LARGE1: variants seen among roughly 807,000 people sequenced by gnomAD.
LARGE1 encodes xylosyl- and glucuronyltransferase LARGE1.
A neutral mutation model predicts 87.6 loss-of-function variants in LARGE1; 43 were observed. That is an observed-to-expected ratio of 0.49 (90% confidence interval 0.38 to 0.63). The LOEUF (loss-of-function observed/expected upper bound fraction) is 0.63. Ranked by LOEUF, LARGE1 falls within the 30% of genes least tolerant of loss-of-function variation. The pLI, the probability that LARGE1 is intolerant of heterozygous loss-of-function variation, is 0.00. For missense variants in LARGE1, 802 were observed against 1,000.2 expected, an observed-to-expected ratio of 0.80 and a Z score of 2.67; for synonymous variants, 434 against 394.6, an observed-to-expected ratio of 1.10 and a Z score of -1.18.
At chr22:33,677,433 T>A (rs2081616805) in intron 2 of LARGE1, among the ~76,000 whole-genome samples, 1 of 151,948 alleles carries the variant, frequency 6.6e-6, no homozygotes, top group South Asian at 2.1e-4. Context: ...CCACTGGAAA[T>A]TACGACAGTT....
chr22:33,118,767 C>T, the LARGE1 span, among the ~76,000 whole-genome samples: 1 of 152,268 alleles, frequency 6.6e-6, no homozygotes, highest in African/African-American at 2.4e-5. Context: ...TCAATACCAC[C>T]TGATAATGAC....
At chr22:33,382,531 G>T (rs2065192887) in intron 8 of LARGE1, among the ~76,000 whole-genome samples, 1 of 152,144 alleles carries the variant, frequency 6.6e-6, no homozygotes, top group Non-Finnish European at 1.5e-5. Context: ...TGGACTCAGT[G>T]ATGGATGCTC....
chr22:33,283,855 A>T (rs1335705685), intron 12 of LARGE1, among the ~76,000 whole-genome samples: 1 of 152,040 alleles, frequency 6.6e-6, no homozygotes, highest in Middle Eastern at 3.4e-3. Flanking sequence ...AGAAAGAAAA[A>T]GTAAAGAAAG....
rs117098501 is a variant in LARGE1, at chr22:33,280,511, A to T, written c.1877+2691T>A. ...AAAGGAAGGGAAAACAATGGGGGAG[A>T]CGGCGCCATTGCACTCCATTGTAGG... On this transcript the variant is annotated intron_variant, in intron 13 of 14. Coordinates refer to ENST00000397394, the MANE Select transcript of LARGE1 (RefSeq NM_133642.5). Among the ~76,000 whole-genome samples, 113 of 152,154 alleles carry T rather than the reference A, an allele frequency of 7.4e-4. 1 individual carries two copies. Among genetic ancestry groups the T allele is most frequent in the Non-Finnish European group, 1.3e-3 (90 of 68,016 alleles).
At chr22:33,816,430 C>G (rs113975428) in intron 1 of LARGE1, among the ~76,000 whole-genome samples, 1 of 152,050 alleles carries the variant, frequency 6.6e-6, no homozygotes, top group Non-Finnish European at 1.5e-5. Flanking sequence ...CACAGATGGC[C>G]GTCTTCTTGC....
chr22:33,434,843 C>G (rs2067208751), intron 6 of LARGE1, among the ~76,000 whole-genome samples: 1 of 152,190 alleles, frequency 6.6e-6, no homozygotes, highest in South Asian at 2.1e-4. Context: ...GCCCTTGCCC[C>G]CCCTGCCAAT....
chr22:33,137,667 A>G, the LARGE1 span, among the ~76,000 whole-genome samples: 1 of 152,052 alleles, frequency 6.6e-6, no homozygotes, highest in South Asian at 2.1e-4. Context: ...GTTTTGTGGG[A>G]CAGGCCCAGG....
the LARGE1 span, among the ~76,000 whole-genome samples, chr22:33,081,385 GA>G: frequency 7.9e-5 from 12 of 152,180 alleles, no homozygotes; most frequent in African/African-American, 2.9e-4. Flanking sequence ...AGTAACCTGT[GA>G]GCTAAGTTTT....
chr22:33,691,556 G>A (rs1245398213), intron 2 of LARGE1, among the ~76,000 whole-genome samples: 1 of 152,164 alleles, frequency 6.6e-6, no homozygotes. Flanking sequence ...AAACAAGTCA[G>A]TCAGCAAGCA....
intron 7 of LARGE1, among the ~76,000 whole-genome samples, chr22:33,428,879 G>A (rs1414907247): frequency 3.4e-5 from 5 of 145,012 alleles, no homozygotes; most frequent in South Asian, 2.2e-4. Flanking sequence ...GCAGTGAGCC[G>A]AGATTGCGCC....
At chr22:33,892,524 C>T (rs55819147) in intron 1 of LARGE1, among the ~76,000 whole-genome samples, 33,140 of 152,156 alleles carry the variant, frequency 0.22, 3,654 homozygotes, top group Middle Eastern at 0.25. Context: ...AAATCAGAAA[C>T]GTGTGAAGAT....
intron 11 of LARGE1, among the ~76,000 whole-genome samples, chr22:33,249,176 C>A (rs1926903686): frequency 6.6e-6 from 1 of 152,180 alleles, no homozygotes; most frequent in Admixed American, 6.5e-5. Context: ...ATTCCAACAG[C>A]AATAAATGAG....
At position 33,700,673 on chromosome 22, in the gene LARGE1, C is replaced by G. The variant is rs1029294337; in HGVS notation, c.107-50005G>C. Among the ~76,000 whole-genome samples the G allele has an allele frequency of 5.3e-5, 8 of 152,170 alleles. No individual in the cohort carries two copies. The South Asian group carries it at 1.2e-3, about 24-fold the overall frequency. The stretch of plus-strand genomic sequence containing the variant: ...GTCCCTCTCCCCCAAATGCTGGTGG[C>G]CTGGAGGCGGTGTCTGAGCTGGCCT... On this transcript the variant is annotated intron_variant, in intron 2 of 14. Transcript: ENST00000397394.
At chr22:33,853,415 G>A (rs2063667543) in intron 1 of LARGE1, among the ~76,000 whole-genome samples, 1 of 152,158 alleles carries the variant, frequency 6.6e-6, no homozygotes, top group African/African-American at 2.4e-5. Flanking sequence ...GATCCTGAGA[G>A]GTCCAACCTT....
At chr22:33,616,972 T>G (rs865798045) in intron 4 of LARGE1, among the ~76,000 whole-genome samples, 1 of 152,260 alleles carries the variant, frequency 6.6e-6, no homozygotes, top group Non-Finnish European at 1.5e-5. Context: ...ATTTACTTAT[T>G]CATCTCAGAG....
chr22:33,432,058 G>A (rs377285086), intron 7 of LARGE1, 103 bp downstream of exon 7: 1 of 880,484 alleles, frequency 1.1e-6, no homozygotes, highest in African/African-American at 1.7e-5. Context: ...CAAGCAATCA[G>A]GTGGCCTCCT....
chr22:33,115,807 C>G, the LARGE1 span, among the ~76,000 whole-genome samples: 3 of 110,292 alleles, frequency 2.7e-5, no homozygotes, highest in Non-Finnish European at 5.3e-5. Flanking sequence ...CAGAGCAAGA[C>G]TCTGTCTCAA....
intron 1 of LARGE1, among the ~76,000 whole-genome samples, chr22:33,907,959 C>T (rs993311483): frequency 6.6e-6 from 1 of 152,108 alleles, no homozygotes; most frequent in African/African-American, 2.4e-5. Context: ...ACCAGCACCA[C>T]CAGATTTCCT....
chr22:33,302,805 A>C (rs1190986841), intron 12 of LARGE1, among the ~76,000 whole-genome samples: 2 of 152,118 alleles, frequency 1.3e-5, no homozygotes, highest in African/African-American at 4.8e-5. Flanking sequence ...ACGCTGGTTC[A>C]CACCCTGGCG....
Sources: gnomAD v4.1 joint callset for allele counts (sites outside exome capture counted in the v4.1 genomes callset) on GRCh38, gnomAD v4.1.1 for gene constraint, MANE v1.5 for transcripts, NCBI Gene and HGNC (gene_info 2026-07-23, HGNC 2026-07-21) for gene names.